Variants in SIRT2 observed in about 807,000 individuals in gnomAD.
SIRT2 encodes the protein sirtuin 2, also known as NAD-dependent protein deacetylase sirtuin-2.
SIRT2 carries 40 observed loss-of-function variants against 57.4 expected under a neutral mutation model. The observed-to-expected ratio is 0.70, with a 90% CI of 0.54 to 0.91. The LOEUF (loss-of-function observed/expected upper bound fraction) is 0.91, where lower values mean the gene tolerates loss of function less well. Among genes scored for constraint, SIRT2 ranks in the 40% least tolerant of loss-of-function variants. The pLI is 0.00. For synonymous variants in SIRT2, 161 were observed against 195.7 expected, an observed-to-expected ratio of 0.82 and a Z score of 1.48; for missense variants, 439 against 510.4, an observed-to-expected ratio of 0.86 and a Z score of 1.35.
At chr19:38,893,279 C>T (rs552708842) in intron 4 of SIRT2, 135 bp downstream of exon 4, 2 of 655,096 alleles carry the variant, frequency 3.1e-6, no homozygotes, top group East Asian at 5.5e-5. Flanking sequence ...TCCTTTTTGG[C>T]TTAAGCCAGT....
rs966542078 is a variant in SIRT2 at position 38,889,352 on chromosome 19, C to T, written c.433-197G>A. 1.9e-5 allele frequency: 14 copies of T among 720,014 alleles called. No homozygotes were observed. The Admixed American group carries it at 2.8e-4, about 14-fold the overall frequency. The allele number at this position is 720,014 out of a possible 1,614,324, so 44.6% of individuals were successfully genotyped here. A position where few individuals can be genotyped will look rare whatever the true frequency, so the allele number is the denominator to read the frequency against. On this transcript the variant is annotated intron_variant, in intron 7 of 15. Coordinates refer to ENST00000249396, the MANE Select transcript of SIRT2 (RefSeq NM_012237.4). ...AAGGACAGGGAAGGGGATTGTGTTGCCAAAGTCACACGGTGGGTAAGCTGC... is the reference window on the plus strand; with the variant it reads ...AAGGACAGGGAAGGGGATTGTGTTGTCAAAGTCACACGGTGGGTAAGCTGC...
chr19:38,882,646 AAAAG>A (rs1454724023), intron 9 of SIRT2, among the ~76,000 whole-genome samples: 2 of 152,120 alleles, frequency 1.3e-5, no homozygotes, highest in East Asian at 1.9e-4. Flanking sequence ...AAAAAAAAAA[AAAAG>A]AAAGAAAGAA....
At position 38,878,791 on chromosome 19, in the gene SIRT2, C is replaced by CG. The variant is rs1732913946; in HGVS notation, c.*363dup. On this transcript the variant is annotated 3_prime_UTR_variant, in exon 16 of 16. Transcript: ENST00000249396. ...TATGGTTTACTTAGCCACAGGCCCC[C>CG]GGGGGCAGGAGACAGAGTGGGGGCC... The CG allele has an allele frequency of 1.0e-5, 2 of 194,042 alleles. No individual in the cohort carries two copies. The highest frequency in any genetic ancestry group is 2.3e-5 in the African/African-American group (1 of 42,660). 12.0% of individuals were successfully genotyped at this position (194,042 alleles called of 1,614,324 possible).
chr19:38,886,421 C>T (rs1244289306), intron 8 of SIRT2, among the ~76,000 whole-genome samples: 2 of 151,980 alleles, frequency 1.3e-5, no homozygotes, highest in African/African-American at 2.4e-5. Flanking sequence ...CACCGAAATA[C>T]CTCTGCGTTC....
At chr19:38,897,888 GAGTGCAGTGATGCAATCAT>G (rs961525830) in intron 2 of SIRT2, among the ~76,000 whole-genome samples, 1 of 151,868 alleles carries the variant, frequency 6.6e-6, no homozygotes, top group Non-Finnish European at 1.5e-5. Flanking sequence ...ACCCCGGCTG[GAGTGCAGTGATGCAATCAT>G]AGCTCACTGC....
rs780018280 is a variant in SIRT2, at chr19:38,879,534, G to A, written c.948-34C>T. ...CAGCAGGAGATCAGAGTTCCCAGGC[G>A]GGCTCGCCCCTGCCTGCTCCTCTCA... On this transcript the variant is annotated intron_variant, in intron 14 of 15. Transcript: ENST00000249396. 61 of 1,581,194 alleles carry A rather than the reference G, an allele frequency of 3.9e-5. 1 individual carries two copies. In the South Asian group the frequency reaches 6.2e-4, roughly 16 times the overall value.
At position 38,893,050 on chromosome 19, in the gene SIRT2, G is replaced by A. The variant is rs943240697; in HGVS notation, c.226+364C>T. Among the ~76,000 whole-genome samples, 11 of 152,070 alleles carry A rather than the reference G, an allele frequency of 7.2e-5. No individual in the cohort carries two copies. In the South Asian group the frequency reaches 1.0e-3, roughly 14 times the overall value. ...ATGGGGGCAGGCATTTGACTCAACC[G>A]GGACCAATGGGAGCCAATCTCTGCT... is the stretch of plus-strand genomic sequence containing the variant. On this transcript the variant is annotated intron_variant, in intron 4 of 15. Coordinates refer to ENST00000249396, the MANE Select transcript of SIRT2 (RefSeq NM_012237.4).
chr19:38,889,118 T>G lies in SIRT2; in HGVS notation c.470A>C (p.Asp157Ala), dbSNP rs780865991. Residue 157 changes from aspartate to alanine, a missense_variant, in exon 8 of 16, where the codon GAC (aspartate) becomes GCC (alanine). Transcript: ENST00000249396. The part of the protein sequence containing the change: ...ICHYFMRLLK[D>A]KGLLLRCYTQ... ...GTAGCAGCGCAGGAGTAGCCCCTTG[T>G]CCTTCAGCAGGCGCATGAAGTAGTG... 5.6e-6 allele frequency: 9 copies of G among 1,612,994 alleles called. No homozygotes were observed. The South Asian group carries it at 8.8e-5, about 16-fold the overall frequency.
At chr19:38,881,294 C>T (rs1973146100) in intron 10 of SIRT2, 138 bp downstream of exon 10, 1 of 1,155,194 alleles carries the variant, frequency 8.7e-7, no homozygotes, top group Non-Finnish European at 1.3e-6. Flanking sequence ...CCCCATTCTC[C>T]CCAGGATGGA....
chr19:38,898,506 G>C, intron 1 of SIRT2, 81 bp from the exon 2 acceptor site: 1 of 672,946 alleles, frequency 1.5e-6, no homozygotes, highest in Non-Finnish European at 2.4e-6. Context: ...TCAGTGAGGG[G>C]GCAAGAACAC....
intron 1 of SIRT2, among the ~76,000 whole-genome samples, chr19:38,899,203 T>C (rs1973842353): frequency 6.6e-6 from 1 of 151,966 alleles, no homozygotes. Flanking sequence ...CAGGTACCCA[T>C]AGCAAGCGGG....
At chr19:38,893,791 C>T in intron 3 of SIRT2, 28 bp downstream of exon 3, 1 of 1,613,268 alleles carries the variant, frequency 6.2e-7, no homozygotes, top group Non-Finnish European at 8.5e-7. Context: ...CAGAACCCTG[C>T]TCCCTGTCCC....
At chr19:38,892,726 C>A (rs913704855) in intron 4 of SIRT2, among the ~76,000 whole-genome samples, 79 of 141,826 alleles carry the variant, frequency 5.6e-4, no homozygotes, top group African/African-American at 1.8e-3. Context: ...GGCAACGCCC[C>A]CATATCTGAC....
rs982996050 is a variant in SIRT2, at chr19:38,892,325, G to A, written c.226+1089C>T. On this transcript the variant is annotated intron_variant, in intron 4 of 15. Coordinates refer to ENST00000249396, the MANE Select transcript of SIRT2 (RefSeq NM_012237.4). ...GCAGGAGAATTGCTGGAACCCGGGA[G>A]GTGGAGGTTGCAGTGAGCTGAGATT... Among the ~76,000 whole-genome samples the A allele has an allele frequency of 3.9e-5, 6 of 151,900 alleles. No individual in the cohort carries two copies. In the East Asian group the frequency reaches 9.7e-4, roughly 24 times the overall value.
chr19:38,883,818 C>T (rs1389908871), intron 8 of SIRT2, 62 bp from the exon 9 acceptor site: 19 of 1,586,814 alleles, frequency 1.2e-5, no homozygotes, highest in Non-Finnish European at 1.4e-5. Flanking sequence ...GGCCAGAAGG[C>T]ACAGTAGGGA....
intron 8 of SIRT2, among the ~76,000 whole-genome samples, chr19:38,885,653 C>T (rs570121333): frequency 6.0e-5 from 9 of 149,132 alleles, no homozygotes; most frequent in Middle Eastern, 3.5e-3. Flanking sequence ...TGCAGTGGCG[C>T]AATCTTGGCT....
rs201431198 is a variant in SIRT2, at chr19:38,880,713, A to G, written c.848T>C (p.Leu283Pro). ...GCCAGCTTTCTCCTTGTTGATGAGC[A>G]GGCGAGGGGTGGAGAGGGGTGCCCT... is the stretch of plus-strand genomic sequence containing the variant. ...ISKAPLSTPR[L>P]LINKEKAGQS... Residue 283 changes from leucine (L) to proline (P), a missense_variant, in exon 13 of 16, where the codon CTG (leucine) becomes CCG (proline). By Grantham distance (98) the Leu-to-Pro change is moderately conservative (BLOSUM62 -3). Transcript: ENST00000249396. The surrounding 1 kb of genome is among the most constrained non-coding windows in gnomAD (Gnocchi z 4.1). 1.5e-5 allele frequency: 23 copies of G among 1,585,474 alleles called. No individual in the cohort carries two copies. In the Admixed American group the frequency reaches 2.8e-4, roughly 20 times the overall value.
chr19:38,898,317 C>G lies in SIRT2; in HGVS notation c.63+62G>C, dbSNP rs532277766. On this transcript the variant is annotated intron_variant, in intron 2 of 15. Transcript: ENST00000249396. Reference sequence around the variant, plus strand: ...ACTGTTTCCCCTTTGCCACCTCCCCCCAGTGTGGGATGTGGAACAAGTCCG... The same window carrying G: ...ACTGTTTCCCCTTTGCCACCTCCCCGCAGTGTGGGATGTGGAACAAGTCCG... 54 of 1,294,032 alleles carry G rather than the reference C, an allele frequency of 4.2e-5. No homozygotes were observed. In the East Asian group the frequency reaches 9.5e-4, roughly 23 times the overall value. The allele number at this position is 1,294,032 out of a possible 1,614,324, so 80.2% of individuals were successfully genotyped here.
chr19:38,895,589 G>T (rs1320615783), intron 2 of SIRT2, among the ~76,000 whole-genome samples: 1 of 152,186 alleles, frequency 6.6e-6, no homozygotes, highest in Non-Finnish European at 1.5e-5. Context: ...AAGTCTTTTT[G>T]AATAAGACCC....
Sources: allele counts gnomAD v4.1 joint callset (sites outside exome capture counted in the v4.1 genomes callset), GRCh38; gene constraint gnomAD v4.1.1; non-coding constraint Gnocchi (gnomAD v3.1); transcripts MANE v1.5; gene names NCBI Gene and HGNC (gene_info 2026-07-23, HGNC 2026-07-21).